Variants in MDN1 observed in about 807,000 individuals in gnomAD.
The protein encoded by MDN1 is midasin.
A neutral mutation model predicts 669.2 loss-of-function variants in MDN1; 266 were observed. The observed-to-expected ratio is 0.40, with a 90% CI of 0.36 to 0.44. The LOEUF (loss-of-function observed/expected upper bound fraction) is 0.44. Ranked by LOEUF, MDN1 falls within the 20% of genes least tolerant of loss-of-function variation. The pLI, the probability that MDN1 is intolerant of heterozygous loss-of-function variation, is 1.00. For synonymous variants in MDN1, 2,385 were observed against 2,457.1 expected (o/e 0.97, Z 0.87); for missense variants, 5,940 against 6,754.0 (o/e 0.88, Z 4.22).
intron 53 of MDN1, 47 bp downstream of exon 53, chr6:89,706,012 A>G: frequency 6.7e-7 from 1 of 1,501,232 alleles, no homozygotes; most frequent in Non-Finnish European, 9.0e-7. Context: ...TATGCCAAGA[A>G]AGATAAATTT....
At position 89,794,868 on chromosome 6, in the gene MDN1, A is replaced by G. The variant is rs1819495102; in HGVS notation, c.330-67T>C. 45 of 1,323,580 alleles carry G rather than the reference A, an allele frequency of 3.4e-5. 1 individual carries two copies. Among genetic ancestry groups the G allele is most frequent in the South Asian group, 2.8e-4 (23 of 81,718 alleles). The allele number at this position is 1,323,580 out of a possible 1,614,324, so 82.0% of individuals were successfully genotyped here. A position where few individuals can be genotyped will look rare whatever the true frequency, so the allele number is the denominator to read the frequency against. ...GTTGGACTTAATTTTTCTGCTTTGT[A>G]ATAGGTTTATCAGAGTATTAAATGC... On this transcript the variant is annotated intron_variant, in intron 2 of 101. Transcript: ENST00000369393.
At chr6:89,772,541 C>T (rs767729231) in intron 14 of MDN1, 32 bp downstream of exon 14, 1 of 1,599,986 alleles carries the variant, frequency 6.3e-7, no homozygotes, top group Admixed American at 1.7e-5. Flanking sequence ...TGTGAAATAT[C>T]TGGGGGCAGA....
In MDN1 at chr6:89,715,755, T is replaced by C. The variant is rs1486204415; in HGVS notation, c.6758A>G (p.Asp2253Gly). The change falls in exon 45 of 102, where the codon GAT becomes GGT. Residue 2253 changes from aspartate (D) to glycine (G), a missense_variant. Asp to Gly is a moderately conservative substitution (Grantham distance 94). Around this residue, in one of 5 missense-constraint regions of MDN1, gnomAD observed 2,292 missense variants for 2,638.3 expected, o/e 0.87. Transcript: ENST00000369393. ...GGGTTCAAGCAAAGCATTCAAACGATCCAACACTGATGGGCTGCAGAGACA... is the reference window on the plus strand; with the variant it reads ...GGGTTCAAGCAAAGCATTCAAACGACCCAACACTGATGGGCTGCAGAGACA... ...NVNFCNPSVL[D>G]RLNALLEPGG... is the part of the protein sequence containing the mutation. 4 of 1,610,748 alleles carry C rather than the reference T, an allele frequency of 2.5e-6. No homozygotes were observed. The highest frequency in any genetic ancestry group is 2.7e-5 in the African/African-American group (2 of 74,822).
At chr6:89,722,729 C>A (rs967131112) in intron 40 of MDN1, among the ~76,000 whole-genome samples, 5 of 152,004 alleles carry the variant, frequency 3.3e-5, no homozygotes, top group Non-Finnish European at 5.9e-5. Flanking sequence ...TGCCTGTAAT[C>A]CCAGCTACTT....
chr6:89,771,461 G>C, intron 15 of MDN1, 100 bp downstream of exon 15: 1 of 1,012,662 alleles, frequency 9.9e-7, no homozygotes. Context: ...CTATTGCATC[G>C]AGCATCCTAG....
At chr6:89,817,358 A>C in intron 1 of MDN1, among the ~76,000 whole-genome samples, 1 of 152,208 alleles carries the variant, frequency 6.6e-6, no homozygotes, top group Non-Finnish European at 1.5e-5. Flanking sequence ...TAATCTGTTA[A>C]TACAGTCAAT....
chr6:89,701,776 T>C, intron 54 of MDN1, 98 bp from the exon 55 acceptor site: 1 of 1,525,164 alleles, frequency 6.6e-7, no homozygotes, highest in South Asian at 1.3e-5. Context: ...TTTCTTTTAA[T>C]TGTACATTCA....
intron 1 of MDN1, chr6:89,814,738 G>A (rs1264093360): frequency 1.1e-5 from 4 of 365,860 alleles, no homozygotes; most frequent in African/African-American, 2.1e-5. Flanking sequence ...AGCACCAGGA[G>A]CAGCCGCTGG....
chr6:89,679,540 G>C (rs1811456955), intron 74 of MDN1, among the ~76,000 whole-genome samples: 1 of 152,192 alleles, frequency 6.6e-6, no homozygotes, highest in Admixed American at 6.5e-5. Flanking sequence ...GGTGAAATGA[G>C]AATGGGCTCT....
chr6:89,688,289 T>G, intron 66 of MDN1, 116 bp from the exon 67 acceptor site: 1 of 945,046 alleles, frequency 1.1e-6, no homozygotes, highest in Admixed American at 2.5e-5. Flanking sequence ...TTAAAACACC[T>G]CTGAAAAAAA....
chr6:89,653,723 G>A (rs1177343873), intron 93 of MDN1, among the ~76,000 whole-genome samples: 1 of 152,060 alleles, frequency 6.6e-6, no homozygotes, highest in Non-Finnish European at 1.5e-5. Context: ...TTTTTGCCAA[G>A]TAATTAATAG....
rs765897765 is a variant in MDN1 at position 89,656,795 on chromosome 6, C to T, written c.15190G>A (p.Gly5064Arg). ...PEKEQGKEEH[G>R]SGAADANQAE... Reference sequence around the variant, plus strand: ...TGGTTTGCATCTGCAGCTCCACTTCCGTGTTCCTAGGAAATCCAAGCCACA... The same window carrying T: ...TGGTTTGCATCTGCAGCTCCACTTCTGTGTTCCTAGGAAATCCAAGCCACA... Residue 5064 changes from glycine (G) to arginine (R), a missense_variant, in exon 91 of 102, where the codon GGA becomes AGA. By Grantham distance (125) the Gly-to-Arg change is moderately radical (BLOSUM62 -2). This residue lies in a region of MDN1 where 2,280 missense variants were observed against 2,576.3 expected (regional missense o/e 0.88). Transcript: ENST00000369393. 1.2e-5 allele frequency: 20 copies of T among 1,611,862 alleles called. No individual in the cohort carries two copies. The East Asian group carries it at 2.0e-4, about 16-fold the overall frequency.
At chr6:89,699,960 T>C (rs1813031675) in intron 57 of MDN1, 103 bp downstream of exon 57, 2 of 1,211,498 alleles carry the variant, frequency 1.7e-6, no homozygotes, top group African/African-American at 3.1e-5. Flanking sequence ...TCTGCTTCGG[T>C]AACCATCCCT....
At chr6:89,766,370 T>A (rs773425891) in intron 15 of MDN1, among the ~76,000 whole-genome samples, 1 of 150,160 alleles carries the variant, frequency 6.7e-6, no homozygotes, top group Non-Finnish European at 1.5e-5. Context: ...AGTCAATACA[T>A]ATTTCAATAC....
At chr6:89,670,170 A>ATATATATATATATTTTTTTT (rs1444537561) in intron 83 of MDN1, among the ~76,000 whole-genome samples, 1 of 23,408 alleles carries the variant, frequency 4.3e-5, no homozygotes, top group Non-Finnish European at 6.1e-5. Flanking sequence ...ATATATATAT[A>ATATATATATATATTTTTTTT]TTTTTTTTTT....
At chr6:89,802,177 G>A (rs554541592) in intron 2 of MDN1, among the ~76,000 whole-genome samples, 74 of 152,088 alleles carry the variant, frequency 4.9e-4, no homozygotes, top group African/African-American at 1.7e-3. Context: ...TCAGAGTCCC[G>A]ATCTTTACTT....
chr6:89,663,528 T>C (rs1809957572), intron 85 of MDN1, among the ~76,000 whole-genome samples: 1 of 152,138 alleles, frequency 6.6e-6, no homozygotes, highest in Admixed American at 6.6e-5. Flanking sequence ...TGGACAGAAA[T>C]TTGGGGCAAG....
chr6:89,811,649 T>C (rs374745024), intron 1 of MDN1, among the ~76,000 whole-genome samples: 6 of 152,194 alleles, frequency 3.9e-5, no homozygotes, highest in African/African-American at 1.2e-4. Flanking sequence ...TTTCACCATA[T>C]TGGCCAGGAT....
chr6:89,813,482 C>CG (rs1768588386), intron 1 of MDN1, among the ~76,000 whole-genome samples: 1 of 145,450 alleles, frequency 6.9e-6, no homozygotes, highest in Non-Finnish European at 1.5e-5. Context: ...ACCCAGGAGG[C>CG]GGAGGTTGAA....
Sources: allele counts gnomAD v4.1 joint callset (sites outside exome capture counted in the v4.1 genomes callset), GRCh38; gene constraint gnomAD v4.1.1; regional missense constraint gnomAD v4.1.1; transcripts MANE v1.5; gene names NCBI Gene and HGNC (gene_info 2026-07-23, HGNC 2026-07-21).